Variants in MEF2A observed in about 807,000 individuals in gnomAD.
MEF2A encodes the protein myocyte-specific enhancer factor 2A.
MEF2A carries 28 observed loss-of-function variants against 55.8 expected under a neutral mutation model. That is an observed-to-expected ratio of 0.50 (90% CI 0.37 to 0.69). The LOEUF (loss-of-function observed/expected upper bound fraction) is 0.69, where lower values mean the gene tolerates loss of function less well. Among genes scored for constraint, MEF2A ranks in the 30% least tolerant of loss-of-function variants. The pLI, the probability that MEF2A is intolerant of heterozygous loss-of-function variation, is 0.00. For missense variants in MEF2A, 528 were observed against 626.2 expected (o/e 0.84, Z 1.67); for synonymous variants, 239 against 227.1 (o/e 1.05, Z -0.47).
chr15:99,703,494 AAC>A, intron 9 of MEF2A, 109 bp downstream of exon 9: 1 of 1,061,244 alleles, frequency 9.4e-7, no homozygotes, highest in Non-Finnish European at 1.3e-6. Context: ...AATTTTTTTA[AAC>A]ACTATTCAAA....
chr15:99,669,724 T>C (rs2050477330), intron 4 of MEF2A, among the ~76,000 whole-genome samples: 1 of 152,236 alleles, frequency 6.6e-6, no homozygotes, highest in Non-Finnish European at 1.5e-5. Context: ...TAAAAATAAT[T>C]TGACTTTGGA....
chr15:99,601,510 GTT>G (rs34835966), intron 2 of MEF2A, among the ~76,000 whole-genome samples: 14 of 113,860 alleles, frequency 1.2e-4, no homozygotes, highest in Admixed American at 2.7e-4. Flanking sequence ...CTTGGTCAGA[GTT>G]TTTTTTTTTT....
intron 7 of MEF2A, among the ~76,000 whole-genome samples, chr15:99,687,049 C>CT (rs76868184): frequency 0.23 from 33,499 of 145,050 alleles, 4,481 homozygotes; most frequent in South Asian, 0.32. Flanking sequence ...GTTTCTGGGA[C>CT]TACAGGTGCA....
chr15:99,599,671 T>G (rs1268989031), intron 2 of MEF2A, among the ~76,000 whole-genome samples: 2 of 152,132 alleles, frequency 1.3e-5, no homozygotes, highest in Non-Finnish European at 2.9e-5. Context: ...TACCTTCAGT[T>G]TAAAACTTGT....
chr15:99,598,496 T>C lies in MEF2A; in HGVS notation c.-158T>C, dbSNP rs1196526394. The stretch of plus-strand genomic sequence containing the variant: ...GATCATATCTAAGTGCACTTTTTGC[T>C]GATACTTCATTTCTAGTAAGACATT... On this transcript the variant is annotated 5_prime_UTR_variant, in exon 2 of 12. Coordinates refer to ENST00000557942, the MANE Select transcript of MEF2A (RefSeq NM_001319206.4). 4 of 152,178 alleles carry C rather than the reference T, an allele frequency of 2.6e-5. No individual in the cohort carries two copies. Among genetic ancestry groups the C allele is most frequent in the Non-Finnish European group, 4.4e-5 (3 of 68,026 alleles). 9.4% of individuals were successfully genotyped at this position (152,178 alleles called of 1,614,324 possible).
chr15:99,608,399 A>C (rs1975894963), intron 2 of MEF2A, among the ~76,000 whole-genome samples: 1 of 152,210 alleles, frequency 6.6e-6, no homozygotes, highest in African/African-American at 2.4e-5. Context: ...TCAGCTTTGA[A>C]TGTCTCTAAT....
intron 1 of MEF2A, among the ~76,000 whole-genome samples, chr15:99,596,557 T>G (rs995747049): frequency 1.3e-5 from 2 of 152,216 alleles, no homozygotes; most frequent in African/African-American, 4.8e-5. Flanking sequence ...TCATAATAAT[T>G]AATACTGCTG....
intron 4 of MEF2A, among the ~76,000 whole-genome samples, chr15:99,655,792 G>A (rs957542827): frequency 5.9e-5 from 9 of 152,002 alleles, no homozygotes; most frequent in African/African-American, 1.7e-4. Context: ...TTGCATAATT[G>A]TAAAACATAT....
chr15:99,587,235 G>A (rs959046932), intron 1 of MEF2A, among the ~76,000 whole-genome samples: 3 of 151,954 alleles, frequency 2.0e-5, no homozygotes, highest in African/African-American at 7.3e-5. Flanking sequence ...AGGCCCCGGT[G>A]TGTGATGTTC....
At chr15:99,624,037 C>G (rs1652031836) in intron 2 of MEF2A, among the ~76,000 whole-genome samples, 1 of 152,082 alleles carries the variant, frequency 6.6e-6, no homozygotes, top group Non-Finnish European at 1.5e-5. Context: ...AACTCCTGAC[C>G]TCAGGTAATC....
intron 11 of MEF2A, among the ~76,000 whole-genome samples, chr15:99,711,967 T>G (rs531727304): frequency 6.6e-6 from 1 of 152,320 alleles, no homozygotes; most frequent in East Asian, 1.9e-4. Flanking sequence ...GACTTGCACC[T>G]TAGAGGTGTT....
chr15:99,613,665 G>A (rs559065791), intron 2 of MEF2A, among the ~76,000 whole-genome samples: 3 of 152,324 alleles, frequency 2.0e-5, no homozygotes, highest in Non-Finnish European at 2.9e-5. Context: ...GGTTATCAGC[G>A]TTGATAGCAG....
At position 99,582,453 on chromosome 15, in the gene MEF2A, C is replaced by T. The variant is rs188532185; in HGVS notation, c.-224-15977C>T. ...TTAGTAGTTTTTCTCTTTTAAAATC[C>T]GATAGTATTTTTTCTGCCTTACTGT... is the stretch of plus-strand genomic sequence containing the variant. On this transcript the variant is annotated intron_variant, in intron 1 of 11. Coordinates refer to ENST00000557942, the MANE Select transcript of MEF2A (RefSeq NM_001319206.4). 5.3e-5 allele frequency among the ~76,000 whole-genome samples: 8 copies of T among 152,016 alleles called. No homozygotes were observed. In the East Asian group the frequency reaches 7.7e-4, roughly 15 times the overall value.
intron 1 of MEF2A, among the ~76,000 whole-genome samples, chr15:99,572,552 T>C (rs1042535965): frequency 6.6e-6 from 1 of 152,242 alleles, no homozygotes; most frequent in African/African-American, 2.4e-5. Flanking sequence ...ATCTTACTCT[T>C]AGCTGTATCC....
chr15:99,690,579 A>C (rs1297698253), intron 8 of MEF2A, 151 bp downstream of exon 8: 2 of 793,778 alleles, frequency 2.5e-6, no homozygotes, highest in Admixed American at 4.0e-5. Flanking sequence ...TTGAAGAGAC[A>C]AGTCTATTTC....
intron 1 of MEF2A, chr15:99,566,550 G>A (rs1266381745): frequency 6.6e-6 from 1 of 152,282 alleles, no homozygotes; most frequent in Non-Finnish European, 1.5e-5. Context: ...GGCGGTGGTG[G>A]ACGTCGCCTC....
At chr15:99,645,239 A>G (rs2045770076) in intron 3 of MEF2A, among the ~76,000 whole-genome samples, 1 of 152,188 alleles carries the variant, frequency 6.6e-6, no homozygotes, top group African/African-American at 2.4e-5. Flanking sequence ...GGGGTTTCTG[A>G]TGGTAACAAT....
intron 1 of MEF2A, among the ~76,000 whole-genome samples, chr15:99,597,878 T>G (rs1400185686): frequency 6.6e-6 from 1 of 152,214 alleles, no homozygotes; most frequent in Non-Finnish European, 1.5e-5. Flanking sequence ...AGTCTTCTAT[T>G]CATTTTTGTA....
intron 2 of MEF2A, among the ~76,000 whole-genome samples, chr15:99,610,465 T>C (rs1353066662): frequency 9.0e-6 from 1 of 110,828 alleles, no homozygotes; most frequent in Non-Finnish European, 1.7e-5. Flanking sequence ...CTAAAACTCA[T>C]ACGGAAATTG....
Sources: allele counts gnomAD v4.1 joint callset (sites outside exome capture counted in the v4.1 genomes callset), GRCh38; gene constraint gnomAD v4.1.1; transcripts MANE v1.5; gene names NCBI Gene and HGNC (gene_info 2026-07-23, HGNC 2026-07-21).